TRAPPC10: variants seen among roughly 807,000 people sequenced by gnomAD.
TRAPPC10 encodes the protein TRAPP 130 kDa subunit.
Under a neutral mutation model 125.5 loss-of-function variants are expected in TRAPPC10, and 23 were observed. The ratio of observed to expected loss-of-function variants is 0.18; its 90% CI spans 0.13 to 0.26. TRAPPC10 has a LOEUF of 0.26. Among genes scored for constraint, TRAPPC10 ranks in the 10% least tolerant of loss-of-function variants. The pLI is 1.00. For missense variants in TRAPPC10, 1,123 were observed against 1,308.4 expected (o/e 0.86, Z 2.19); for synonymous variants, 509 against 518.0 (o/e 0.98, Z 0.24).
intron 7 of TRAPPC10, among the ~76,000 whole-genome samples, chr21:44,069,100 A>G (rs2036666016): frequency 6.6e-6 from 1 of 152,210 alleles, no homozygotes; most frequent in Non-Finnish European, 1.5e-5. Context: ...TGGGACCTTA[A>G]GGTTGGCAAA....
chr21:44,082,962 T>A lies in TRAPPC10; in HGVS notation c.1898T>A (p.Ile633Asn). The change falls in exon 14 of 23, where the codon ATT (isoleucine) becomes AAT (asparagine). Residue 633 changes from isoleucine (I) to asparagine (N), a missense_variant. Physicochemically the swap from Ile to Asn is moderately radical, Grantham distance 149. Around this residue, in one of 4 missense-constraint regions of TRAPPC10, gnomAD observed 840 missense variants for 902.0 expected, o/e 0.93. Coordinates refer to ENST00000291574, the MANE Select transcript of TRAPPC10 (RefSeq NM_003274.5). The surrounding 1 kb of genome is among the most constrained non-coding windows in gnomAD (Gnocchi z 4.4). Reference sequence around the variant, plus strand: ...ATTGTGGTCAATGTCCACTTCAGCATTGAGAAAAACAGCTACCGGAAGACT... The same window carrying A: ...ATTGTGGTCAATGTCCACTTCAGCAATGAGAAAAACAGCTACCGGAAGACT... ...EQIVVNVHFS[I>N]EKNSYRKTAE... 1 of 1,614,032 alleles carries A rather than the reference T, an allele frequency of 6.2e-7. No homozygotes were observed. The highest frequency in any genetic ancestry group is 8.5e-7 in the Non-Finnish European group (1 of 1,180,014).
intron 2 of TRAPPC10, among the ~76,000 whole-genome samples, chr21:44,035,632 C>T (rs574154013): frequency 3.9e-5 from 6 of 152,028 alleles, no homozygotes; most frequent in Non-Finnish European, 8.8e-5. Context: ...ACAAAATTAG[C>T]CAGGCATGGT....
intron 20 of TRAPPC10, among the ~76,000 whole-genome samples, chr21:44,095,868 C>G (rs1191064376): frequency 6.6e-6 from 1 of 151,622 alleles, no homozygotes; most frequent in Non-Finnish European, 1.5e-5. Flanking sequence ...GTGCCTGGCC[C>G]AAAGTACGGG....
chr21:44,022,172 A>G (rs1010455968), intron 1 of TRAPPC10, among the ~76,000 whole-genome samples: 3 of 151,080 alleles, frequency 2.0e-5, no homozygotes, highest in African/African-American at 7.3e-5. Context: ...GCAGTGGCAC[A>G]ATCTCAGCTC....
intron 7 of TRAPPC10, 101 bp from the exon 8 acceptor site, chr21:44,074,223 A>G: frequency 1.4e-6 from 2 of 1,452,300 alleles, no homozygotes; most frequent in Non-Finnish European, 1.9e-6. Context: ...GGCTGCTTGA[A>G]GGATGGAGGG....
Position 44,063,608 on chromosome 21 carries a change from C to A in TRAPPC10, c.861C>A (p.Pro287=). ...KSWNGLILRK[P]IDMEKRESIQ... ...GGAACGGATTGATCCTCCGAAAACC[C>A]ATAGATATGGAGAAGCGGGAATCGA... The change falls in exon 7 of 23, where the codon CCC becomes CCA. Residue 287 remains proline (P), a synonymous_variant. Coordinates refer to ENST00000291574, the MANE Select transcript of TRAPPC10 (RefSeq NM_003274.5). This position sits in a 1 kb window ranked among gnomAD's most constrained non-coding sequence, Gnocchi z 4.4. 1 of 1,614,208 alleles carries A rather than the reference C, an allele frequency of 6.2e-7. No homozygotes were observed. The highest frequency in any genetic ancestry group is 8.5e-7 in the Non-Finnish European group (1 of 1,180,044).
At chr21:44,019,501 TCA>T (rs747729072) in intron 1 of TRAPPC10, among the ~76,000 whole-genome samples, 4 of 152,246 alleles carry the variant, frequency 2.6e-5, no homozygotes, top group Admixed American at 6.5e-5. Context: ...TCAAATATAG[TCA>T]CAGTATTTTG....
At chr21:44,023,431 AATC>A (rs1009188397) in intron 1 of TRAPPC10, among the ~76,000 whole-genome samples, 9 of 150,862 alleles carry the variant, frequency 6.0e-5, no homozygotes, top group Admixed American at 5.9e-4. Flanking sequence ...CTGTGAACTT[AATC>A]ATTATGAACA....
intron 1 of TRAPPC10, 129 bp from the exon 2 acceptor site, chr21:44,031,962 G>T: frequency 1.3e-6 from 1 of 748,062 alleles, no homozygotes; most frequent in South Asian, 1.7e-5. Flanking sequence ...CACAGGTACA[G>T]AAGAATCTTG....
At position 44,076,624 on chromosome 21, in the gene TRAPPC10, A is replaced by G. The variant is rs774908757; in HGVS notation, c.1373A>G (p.Tyr458Cys). ...LSSVEAFEKH[Y>C]LDLSHATIEM... is the part of the protein sequence containing the mutation. ...TCAGTGGAAGCTTTTGAAAAACACT[A>G]CTTAGTAAGTATTAACAAGTGTTCA... is the stretch of plus-strand genomic sequence containing the variant. The change falls in exon 10 of 23, where the codon TAC becomes TGC. Residue 458 changes from tyrosine (Y) to cysteine (C), a missense_variant. Tyr to Cys is a radical substitution (Grantham distance 194, BLOSUM62 -2). Around this residue, in one of 4 missense-constraint regions of TRAPPC10, gnomAD observed 840 missense variants for 902.0 expected, o/e 0.93. Coordinates refer to ENST00000291574, the MANE Select transcript of TRAPPC10 (RefSeq NM_003274.5). 1.4e-5 allele frequency: 23 copies of G among 1,610,376 alleles called. No homozygotes were observed. The highest frequency in any genetic ancestry group is 1.8e-5 in the Non-Finnish European group (21 of 1,176,614).
chr21:44,060,915 T>TACATACACACACACACACACACACAC (rs60633801), intron 6 of TRAPPC10, among the ~76,000 whole-genome samples: 1 of 132,192 alleles, frequency 7.6e-6, no homozygotes, highest in African/African-American at 3.0e-5. Flanking sequence ...CATACATACA[T>TACATACACACACACACACACACACAC]ACACACACAC....
rs925810305 is a variant in TRAPPC10 at position 44,080,864 on chromosome 21, C to CT, written c.1723+751dup. The stretch of plus-strand genomic sequence containing the variant: ...TTTTTCTTCATTTTTTAAGATGGTG[C>CT]TTTTTTTTTTTTTTAAAATGTAACA... On this transcript the variant is annotated intron_variant, in intron 13 of 22. Coordinates refer to ENST00000291574, the MANE Select transcript of TRAPPC10 (RefSeq NM_003274.5). Among the ~76,000 whole-genome samples, 540 of 134,072 alleles carry CT rather than the reference C, an allele frequency of 4.0e-3. 1 individual carries two copies. The highest frequency in any genetic ancestry group is 8.0e-3 in the African/African-American group (272 of 33,970). 88.0% of individuals were successfully genotyped at this position (134,072 alleles called of 152,430 possible). A position where few individuals can be genotyped will look rare whatever the true frequency, so the allele number is the denominator to read the frequency against.
chr21:44,023,926 C>T (rs2032812100), intron 1 of TRAPPC10, among the ~76,000 whole-genome samples: 1 of 152,142 alleles, frequency 6.6e-6, no homozygotes, highest in African/African-American at 2.4e-5. Context: ...GCTGGGATTA[C>T]AGGTGCATGC....
intron 1 of TRAPPC10, among the ~76,000 whole-genome samples, chr21:44,021,107 A>G (rs1467094408): frequency 1.3e-5 from 2 of 152,340 alleles, no homozygotes; most frequent in Admixed American, 6.5e-5. Context: ...GTATAGTCTT[A>G]TTCCAAAATT....
chr21:44,046,828 A>G, intron 3 of TRAPPC10: 2 of 631,122 alleles, frequency 3.2e-6, no homozygotes, highest in South Asian at 3.3e-5. Context: ...CTTTTGATGC[A>G]TTTCCTGCCA....
chr21:44,088,422 G>A (rs542330585), intron 17 of TRAPPC10: 3 of 172,390 alleles, frequency 1.7e-5, no homozygotes, highest in South Asian at 2.6e-4. Flanking sequence ...GGAATGTGTC[G>A]CTGCATCATG....
In TRAPPC10 at chr21:44,086,938, T is replaced by G; in HGVS notation, c.2517T>G (p.Ala839=). The change falls in exon 16 of 23, where the codon GCT becomes GCG. Residue 839 remains alanine, a synonymous_variant. Coordinates refer to ENST00000291574, the MANE Select transcript of TRAPPC10 (RefSeq NM_003274.5). ...MLILCQAESR[A]VVYSNTREQS... ...TCCTGTGCCAGGCGGAGAGCAGGGC[T>G]GTGGTCTACTCCAACACGAGAGGTG... The G allele has an allele frequency of 6.2e-7, 1 of 1,613,966 alleles. No individual in the cohort carries two copies. Among genetic ancestry groups the G allele is most frequent in the South Asian group, 1.1e-5 (1 of 91,078 alleles).
chr21:44,068,134 AG>A (rs1361693249), intron 7 of TRAPPC10, among the ~76,000 whole-genome samples: 7 of 151,736 alleles, frequency 4.6e-5, no homozygotes, highest in Non-Finnish European at 8.8e-5. Context: ...AAAAAAAAAA[AG>A]GACTCATTCA....
chr21:44,086,988 G>A (rs765900798), intron 16 of TRAPPC10, 28 bp downstream of exon 16: 17 of 1,611,624 alleles, frequency 1.1e-5, no homozygotes, highest in Non-Finnish European at 5.9e-6. Flanking sequence ...CAGGCCCAAG[G>A]AGGATGCCCA....
Sources: gnomAD v4.1 joint callset for allele counts (sites outside exome capture counted in the v4.1 genomes callset) on GRCh38, gnomAD v4.1.1 for gene constraint, gnomAD v4.1.1 regional missense constraint, Gnocchi (gnomAD v3.1) non-coding constraint, MANE v1.5 for transcripts, NCBI Gene and HGNC (gene_info 2026-07-23, HGNC 2026-07-21) for gene names.